HTR4: variants seen among roughly 807,000 people sequenced by gnomAD.
HTR4 encodes the protein 5-hydroxytryptamine (serotonin) receptor 4, G protein-coupled.
HTR4 carries 16 observed loss-of-function variants against 36.8 expected under a neutral mutation model. The ratio of observed to expected loss-of-function variants is 0.43; its 90% CI spans 0.29 to 0.66. The LOEUF is 0.66. HTR4 is among the 30% of genes least tolerant of loss of function. HTR4 has a pLI of 0.13. For missense variants in HTR4, 438 were observed against 490.9 expected (o/e 0.89, Z 1.02); for synonymous variants, 189 against 185.1 (o/e 1.02, Z -0.17).
At chr5:148,565,563 T>C (rs977146898) in intron 2 of HTR4, among the ~76,000 whole-genome samples, 33 of 149,494 alleles carry the variant, frequency 2.2e-4, no homozygotes, top group Admixed American at 2.0e-3. Context: ...GGCATAATCA[T>C]AAGAGAAGCA....
At chr5:148,515,131 A>G (rs1684680462) in intron 5 of HTR4, among the ~76,000 whole-genome samples, 1 of 152,128 alleles carries the variant, frequency 6.6e-6, no homozygotes, top group African/African-American at 2.4e-5. Context: ...TTTTCAGAAT[A>G]ATACCTGTTT....
At chr5:148,644,569 TA>T (rs1490353877) in intron 1 of HTR4, 1 of 150,960 alleles carries the variant, frequency 6.6e-6, no homozygotes, top group African/African-American at 2.4e-5. Flanking sequence ...AATAATAATA[TA>T]AAAAATGGAA....
chr5:148,482,216 T>A lies in HTR4; in HGVS notation c.*987A>T. 2.0e-6 allele frequency: 2 copies of A among 985,332 alleles called. No individual in the cohort carries two copies. Among genetic ancestry groups the A allele is most frequent in the Non-Finnish European group, 2.4e-6 (2 of 829,998 alleles). 61.0% of individuals were successfully genotyped at this position (985,332 alleles called of 1,614,324 possible). The stretch of plus-strand genomic sequence containing the variant: ...TGGGGGAGCTGCAGGGGAAAATGAG[T>A]TTCCCCAGTGTGAACTTCCAACAGT... On this transcript the variant is annotated 3_prime_UTR_variant, in exon 7 of 7. Transcript: ENST00000377888.
At chr5:148,474,090 T>C (rs1384380212), downstream of HTR4, among the ~76,000 whole-genome samples, 1 of 152,108 alleles carries the variant, frequency 6.6e-6, no homozygotes, top group Non-Finnish European at 1.5e-5. Flanking sequence ...CCTAGTTCCT[T>C]CCACTGACTC....
intron 4 of HTR4, among the ~76,000 whole-genome samples, chr5:148,539,250 A>G (rs1224460716): frequency 6.6e-6 from 1 of 152,194 alleles, no homozygotes; most frequent in African/African-American, 2.4e-5. Flanking sequence ...ACTTAAATGT[A>G]AAACCCAAAA....
At chr5:148,489,900 C>T (rs1756335846) in intron 6 of HTR4, among the ~76,000 whole-genome samples, 1 of 152,050 alleles carries the variant, frequency 6.6e-6, no homozygotes, top group Non-Finnish European at 1.5e-5. Context: ...AGTTTAAAAT[C>T]CCACATGTCT....
chr5:148,455,668 T>C (rs1057007316), intron 5 of HTR4, among the ~76,000 whole-genome samples: 2 of 152,112 alleles, frequency 1.3e-5, no homozygotes, highest in African/African-American at 4.8e-5. Flanking sequence ...GGGTTGCTGA[T>C]CCCCTGTGCA....
chr5:148,644,221 T>C (rs1462205560), intron 1 of HTR4, among the ~76,000 whole-genome samples: 1 of 152,182 alleles, frequency 6.6e-6, no homozygotes, highest in African/African-American at 2.4e-5. Flanking sequence ...AAAGAATATG[T>C]TCTTATGCAG....
At chr5:148,582,941 A>G (rs971289766) in intron 2 of HTR4, among the ~76,000 whole-genome samples, 4 of 151,634 alleles carry the variant, frequency 2.6e-5, no homozygotes, top group African/African-American at 9.7e-5. Context: ...TCTCCTGCCT[A>G]ATTGCCCTGG....
At chr5:148,458,438 T>C (rs1581332886) in intron 5 of HTR4, among the ~76,000 whole-genome samples, 1 of 152,046 alleles carries the variant, frequency 6.6e-6, no homozygotes, top group African/African-American at 2.4e-5. Flanking sequence ...CCTGTCCTCA[T>C]GGAGCTAGCA....
intron 5 of HTR4, among the ~76,000 whole-genome samples, chr5:148,452,132 A>G (rs1754987148): frequency 6.6e-6 from 1 of 152,226 alleles, no homozygotes; most frequent in Admixed American, 6.5e-5. Context: ...TTTGAATTAC[A>G]ATAATTTATT....
intron 2 of HTR4, among the ~76,000 whole-genome samples, chr5:148,561,297 A>G (rs927795091): frequency 6.6e-6 from 1 of 152,214 alleles, no homozygotes; most frequent in Non-Finnish European, 1.5e-5. Flanking sequence ...AAGGAATACA[A>G]AGGATTTCAG....
At chr5:148,529,254 C>A (rs1758436346) in intron 4 of HTR4, among the ~76,000 whole-genome samples, 1 of 152,094 alleles carries the variant, frequency 6.6e-6, no homozygotes, top group African/African-American at 2.4e-5. Flanking sequence ...TGCTAAGAAT[C>A]ATGAAATCCT....
At position 148,509,864 on chromosome 5, in the gene HTR4, G is replaced by C; in HGVS notation, c.668C>G (p.Ala223Gly). 6.2e-7 allele frequency: 1 copy of C among 1,614,022 alleles called. No homozygotes were observed. The highest frequency in any genetic ancestry group is 1.3e-5 in the African/African-American group (1 of 75,026). ...YRIYVTAKEH[A>G]HQIQMLQRAG... is the part of the protein sequence containing the mutation. ...CCGTTGTAACATCTGGATCTGATGGGCATGCTCCTTAGCTGTGACATAGAT... is the reference window on the plus strand; with the variant it reads ...CCGTTGTAACATCTGGATCTGATGGCCATGCTCCTTAGCTGTGACATAGAT... Residue 223 changes from alanine (A) to glycine (G), a missense_variant, in exon 6 of 7, where the codon GCC becomes GGC. Transcript: ENST00000377888.
intron 5 of HTR4, among the ~76,000 whole-genome samples, chr5:148,451,832 G>A (rs181460045): frequency 1.2e-4 from 19 of 152,272 alleles, no homozygotes; most frequent in Non-Finnish European, 2.2e-4. Context: ...CTTGACAAGT[G>A]TTTATTATTT....
chr5:148,575,565 C>T (rs1760861055), intron 2 of HTR4, among the ~76,000 whole-genome samples: 2 of 151,966 alleles, frequency 1.3e-5, no homozygotes, highest in South Asian at 2.1e-4. Flanking sequence ...GCTACCCACT[C>T]CTAGGCACAG....
chr5:148,513,018 T>A (rs376741771), intron 5 of HTR4, among the ~76,000 whole-genome samples: 32 of 151,706 alleles, frequency 2.1e-4, no homozygotes, highest in African/African-American at 7.0e-4. Flanking sequence ...CTTTTTTTTT[T>A]ACAGGGTCAT....
chr5:148,605,389 G>C (rs534753423), intron 2 of HTR4, among the ~76,000 whole-genome samples: 19 of 150,736 alleles, frequency 1.3e-4, no homozygotes, highest in Admixed American at 8.0e-4. Context: ...CTCCCAAGTA[G>C]CTGGGATTAC....
chr5:148,646,599 T>A (rs1753881778), intron 1 of HTR4, among the ~76,000 whole-genome samples: 1 of 152,106 alleles, frequency 6.6e-6, no homozygotes, highest in African/African-American at 2.4e-5. Context: ...CTACCAAAAG[T>A]TTCTAAACCA....
Sources: gnomAD v4.1 joint callset for allele counts (sites outside exome capture counted in the v4.1 genomes callset) on GRCh38, gnomAD v4.1.1 for gene constraint, MANE v1.5 for transcripts, NCBI Gene and HGNC (gene_info 2026-07-23, HGNC 2026-07-21) for gene names.